Variants in PRRG1 observed in about 807,000 individuals in gnomAD.
PRRG1 encodes transmembrane gamma-carboxyglutamic acid protein 1.
Under a neutral mutation model 11.8 loss-of-function variants are expected in PRRG1, and 5 were observed. The observed-to-expected ratio is 0.42, with a 90% CI of 0.22 to 0.89. PRRG1 has a LOEUF of 0.89. Ranked by LOEUF, PRRG1 falls within the 40% of genes least tolerant of loss-of-function variation. The pLI is 0.28. For missense variants in PRRG1, 155 were observed against 166.1 expected, an observed-to-expected ratio of 0.93 and a Z score of 0.37; for synonymous variants, 66 against 60.4, an observed-to-expected ratio of 1.09 and a Z score of -0.43.
chrX:37,432,385 C>A (rs1266852714), intron 3 of PRRG1, among the ~76,000 whole-genome samples: 1 of 112,143 alleles, frequency 8.9e-6, no homozygotes, highest in African/African-American at 3.2e-5. Context: ...TGCACCCGGA[C>A]CGTGAACAAT....
intron 1 of PRRG1, among the ~76,000 whole-genome samples, chrX:37,368,720 A>G (rs1473943066): frequency 9.0e-6 from 1 of 110,539 alleles, no homozygotes; most frequent in Non-Finnish European, 1.9e-5. Context: ...TATTTTCTAC[A>G]TGCCTCTTCT....
At chrX:37,399,237 T>A (rs1251612385) in intron 1 of PRRG1, among the ~76,000 whole-genome samples, 1 of 111,305 alleles carries the variant, frequency 9.0e-6, no homozygotes, top group African/African-American at 3.3e-5. Flanking sequence ...GAGAGAAAGG[T>A]TGGGTTACCC....
At chrX:37,398,087 G>T (rs904786957) in intron 1 of PRRG1, among the ~76,000 whole-genome samples, 7 of 109,657 alleles carry the variant, frequency 6.4e-5, no homozygotes, top group African/African-American at 1.3e-4. Flanking sequence ...AACCTCTGCA[G>T]ACTTAAATGT....
At chrX:37,401,005 G>C (rs1188373397) in intron 1 of PRRG1, among the ~76,000 whole-genome samples, 7 of 109,810 alleles carry the variant, frequency 6.4e-5, no homozygotes, top group Non-Finnish European at 1.1e-4. Flanking sequence ...GCTTACCAAC[G>C]AAAAAGAGTC....
At chrX:37,368,653 T>C (rs1930656801) in intron 1 of PRRG1, among the ~76,000 whole-genome samples, 1 of 111,788 alleles carries the variant, frequency 8.9e-6, no homozygotes, top group Non-Finnish European at 1.9e-5. Flanking sequence ...TCTAGTTCAG[T>C]AATTTTTAAT....
At chrX:37,419,839 C>G (rs1556386395) in intron 2 of PRRG1, among the ~76,000 whole-genome samples, 3 of 111,625 alleles carry the variant, frequency 2.7e-5, no homozygotes. Flanking sequence ...CAGTGTGCCT[C>G]CAAGCGAATT....
intron 2 of PRRG1, among the ~76,000 whole-genome samples, chrX:37,408,249 A>G (rs1183450628): frequency 9.0e-6 from 1 of 110,576 alleles, no homozygotes. Flanking sequence ...AGTAGTGGAG[A>G]GTTTAATAGA....
chrX:37,400,489 A>G (rs1390065895), intron 1 of PRRG1, among the ~76,000 whole-genome samples: 1 of 111,288 alleles, frequency 9.0e-6, no homozygotes. Flanking sequence ...AGCAGTGTGT[A>G]GAGGGAAATT....
At chrX:37,420,916 A>C (rs1321793571) in intron 2 of PRRG1, among the ~76,000 whole-genome samples, 2 of 110,557 alleles carry the variant, frequency 1.8e-5, no homozygotes, top group Non-Finnish European at 3.8e-5. Flanking sequence ...AGGCATCCAA[A>C]CCACAAACTC....
At chrX:37,362,337 T>A (rs1173203788) in intron 1 of PRRG1, among the ~76,000 whole-genome samples, 4 of 111,311 alleles carry the variant, frequency 3.6e-5, no homozygotes, top group African/African-American at 1.3e-4. Flanking sequence ...TTTTGAACAG[T>A]CCACTCCTAC....
chrX:37,389,665 C>G (rs782568552), intron 1 of PRRG1, among the ~76,000 whole-genome samples: 1 of 112,025 alleles, frequency 8.9e-6, no homozygotes, highest in South Asian at 3.8e-4. Flanking sequence ...CTAAACCATT[C>G]ATGAGAAACT....
At chrX:37,366,184 G>A (rs1471177499) in intron 1 of PRRG1, among the ~76,000 whole-genome samples, 1 of 112,037 alleles carries the variant, frequency 8.9e-6, no homozygotes, top group African/African-American at 3.2e-5. Flanking sequence ...ATGCTTGACT[G>A]TAGTCTGACC....
chrX:37,390,031 T>C (rs1055803751), intron 1 of PRRG1, among the ~76,000 whole-genome samples: 4 of 112,012 alleles, frequency 3.6e-5, no homozygotes, highest in African/African-American at 1.3e-4. Context: ...AACAAAAATT[T>C]ATTGCTCACA....
chrX:37,385,935 A>G (rs1931313687), intron 1 of PRRG1, among the ~76,000 whole-genome samples: 1 of 109,361 alleles, frequency 9.1e-6, no homozygotes. Context: ...TAATTTTTGT[A>G]TTTTTAGTAG....
In PRRG1 at chrX:37,445,274, A is replaced by C. The variant is rs1296335028; in HGVS notation, c.172-7862A>C. Among the ~76,000 whole-genome samples the C allele has an allele frequency of 4.5e-5, 5 of 112,225 alleles. No homozygotes were observed. In the Admixed American group the frequency reaches 4.7e-4, roughly 11 times the overall value. On this transcript the variant is annotated intron_variant, in intron 3 of 3. Coordinates refer to ENST00000378628, the MANE Select transcript of PRRG1 (RefSeq NM_001142395.2). ...TTCTGAGGCAGGACCTAGGCATCCC[A>C]GACATTAAAAACCAGTGTTAGCATC...
intron 1 of PRRG1, among the ~76,000 whole-genome samples, chrX:37,367,406 T>A (rs1930609705): frequency 8.9e-6 from 1 of 111,914 alleles, no homozygotes; most frequent in African/African-American, 3.2e-5. Context: ...ACTGTCCAAA[T>A]ATGTAGGGTT....
At position 37,453,244 on chromosome X, in the gene PRRG1, A is replaced by G. The variant is rs1556397049; in HGVS notation, c.280A>G (p.Ile94Val). ...TFPLIFGLFI[I>V]LLVIFLIWRC... is the part of the protein sequence containing the mutation. ...TCCGTTAATCTTTGGCCTCTTCATT[A>G]TCCTCCTTGTCATTTTCCTAATCTG... Residue 94 changes from isoleucine to valine, a missense_variant, in exon 4 of 4, where the codon ATC becomes GTC. Coordinates refer to ENST00000378628, the MANE Select transcript of PRRG1 (RefSeq NM_001142395.2). The G allele has an allele frequency of 2.5e-6, 3 of 1,210,944 alleles. No individual in the cohort carries two copies. In the Admixed American group the frequency reaches 6.5e-5, roughly 26 times the overall value.
At chrX:37,439,132 A>G (rs1030814789) in intron 3 of PRRG1, among the ~76,000 whole-genome samples, 1 of 112,241 alleles carries the variant, frequency 8.9e-6, no homozygotes, top group African/African-American at 3.2e-5. Context: ...AAGCTGAAAC[A>G]GGAAATCTGT....
At chrX:37,401,639 A>G (rs1931983278) in intron 1 of PRRG1, among the ~76,000 whole-genome samples, 1 of 111,235 alleles carries the variant, frequency 9.0e-6, no homozygotes, top group South Asian at 3.9e-4. Context: ...GGCCAGTGCA[A>G]TTAGGCAGGA....
Sources: gnomAD v4.1 joint callset for allele counts (sites outside exome capture counted in the v4.1 genomes callset) on GRCh38, gnomAD v4.1.1 for gene constraint, MANE v1.5 for transcripts, NCBI Gene and HGNC (gene_info 2026-07-23, HGNC 2026-07-21) for gene names.